The following PHKA2 variants were observed in gnomAD, a reference collection of about 807,000 sequenced individuals.
PHKA2 encodes phosphorylase b kinase regulatory subunit alpha, liver isoform.
PHKA2 carries 31 observed loss-of-function variants against 102.0 expected under a neutral mutation model. The ratio of observed to expected loss-of-function variants is 0.30; its 90% CI spans 0.23 to 0.41. PHKA2 has a LOEUF of 0.41. PHKA2 is among the 10% of genes least tolerant of loss of function. PHKA2 has a pLI of 1.00. For missense variants in PHKA2, 858 were observed against 1,023.1 expected, an observed-to-expected ratio of 0.84 and a Z score of 2.20; for synonymous variants, 455 against 416.2, an observed-to-expected ratio of 1.09 and a Z score of -1.13.
chrX:18,909,876 T>C (rs763034061), intron 20 of PHKA2, among the ~76,000 whole-genome samples: 65 of 112,326 alleles, frequency 5.8e-4, no homozygotes, highest in Non-Finnish European at 9.6e-4. Context: ...CTCGCTTCTC[T>C]ATTCCTGCTT....
chrX:18,917,404 G>A (rs993521043), intron 19 of PHKA2, among the ~76,000 whole-genome samples: 1 of 108,764 alleles, frequency 9.2e-6, no homozygotes, highest in African/African-American at 3.4e-5. Context: ...GATTACAGGT[G>A]CAGGCCACCA....
Position 18,937,604 on chromosome X carries a change from G to A in PHKA2, c.1041+1023C>T, listed in dbSNP as rs1005267035. On this transcript the variant is annotated intron_variant, in intron 10 of 32. Transcript: ENST00000379942. ...AATTGGGGAAGAAAAGAATGTCCTC[G>A]GCCTTTGAGAAGAGAGGAGGGCACA... Among the ~76,000 whole-genome samples the A allele has an allele frequency of 2.7e-5, 3 of 111,492 alleles. No individual in the cohort carries two copies. The Admixed American group carries it at 2.9e-4, about 11-fold the overall frequency.
chrX:18,900,307 C>G (rs967054543), intron 28 of PHKA2, among the ~76,000 whole-genome samples: 7 of 111,408 alleles, frequency 6.3e-5, no homozygotes, highest in African/African-American at 2.3e-4. Flanking sequence ...CCCAGGCGAT[C>G]TGAGGACAGG....
chrX:18,955,250 C>T (rs1490096370), intron 1 of PHKA2, among the ~76,000 whole-genome samples: 1 of 111,837 alleles, frequency 8.9e-6, no homozygotes, highest in Admixed American at 9.5e-5. Flanking sequence ...CCAAAGGCTA[C>T]ATAGTGTGTG....
intron 19 of PHKA2, among the ~76,000 whole-genome samples, chrX:18,912,255 T>C (rs1463517423): frequency 1.8e-5 from 2 of 112,124 alleles, no homozygotes. Flanking sequence ...CAGGGATACA[T>C]TCTGAGAAAT....
chrX:18,964,274 C>T, intron 1 of PHKA2, among the ~76,000 whole-genome samples: 1 of 111,430 alleles, frequency 9.0e-6, no homozygotes, highest in Non-Finnish European at 1.9e-5. Flanking sequence ...AACTGTTCTC[C>T]TGTGGGAGCT....
Position 18,894,271 on chromosome X carries a change from C to T in PHKA2, c.3470G>A (p.Ser1157Asn), listed in dbSNP as rs758018659. 2.9e-5 allele frequency: 35 copies of T among 1,211,733 alleles called. No individual in the cohort carries two copies. The highest frequency in any genetic ancestry group is 4.3e-5 in the Admixed American group (2 of 46,108). The change falls in exon 32 of 33, where the codon AGC (serine) becomes AAC (asparagine). Residue 1157 changes from serine (S) to asparagine (N), a missense_variant. By Grantham distance (46) the Ser-to-Asn change is conservative (BLOSUM62 1). This residue lies in a region of PHKA2 where 671 missense variants were observed against 745.2 expected (regional missense o/e 0.90). Transcript: ENST00000379942. ...LTLLSDTEMT[S>N]IGGIIHVDQI... ...GTCCACGTGGATGATGCCCCCGATG[C>T]TGGTCATCTCCGTGTCCGAGAGCAG...
At chrX:18,926,350 C>G in intron 14 of PHKA2, 103 bp downstream of exon 14, 1 of 700,216 alleles carries the variant, frequency 1.4e-6, no homozygotes, top group South Asian at 2.2e-5. Context: ...AGTTTTTGTC[C>G]AAGTCTTTAG....
At chrX:18,963,347 G>A (rs931880539) in intron 1 of PHKA2, among the ~76,000 whole-genome samples, 3 of 112,270 alleles carry the variant, frequency 2.7e-5, no homozygotes, top group Non-Finnish European at 5.6e-5. Context: ...TACAGGAAAA[G>A]CTTGCTTTCT....
At chrX:18,894,927 G>A in intron 31 of PHKA2, 1 of 454,979 alleles carries the variant, frequency 2.2e-6, no homozygotes, top group Admixed American at 3.6e-5. Context: ...CAGAAATGCT[G>A]AGTCTCAGGT....
At chrX:18,929,623 C>T (rs766523632) in intron 12 of PHKA2, among the ~76,000 whole-genome samples, 84 of 111,582 alleles carry the variant, frequency 7.5e-4, no homozygotes, top group Non-Finnish European at 1.5e-3. Flanking sequence ...CCACTGTATG[C>T]GCACTGTCAT....
chrX:18,961,041 C>G, intron 1 of PHKA2, among the ~76,000 whole-genome samples: 1 of 111,794 alleles, frequency 8.9e-6, no homozygotes, highest in East Asian at 2.8e-4. Context: ...AGCTGTAGAC[C>G]AGTTTGAAGA....
intron 1 of PHKA2, among the ~76,000 whole-genome samples, chrX:18,964,450 G>C (rs185757469): frequency 6.2e-5 from 7 of 112,548 alleles, no homozygotes; most frequent in Non-Finnish European, 7.5e-5. Context: ...TTCGAGGGAA[G>C]AAAGTATAGT....
intron 3 of PHKA2, 67 bp from the exon 4 acceptor site, chrX:18,951,339 T>C: frequency 1.9e-6 from 2 of 1,073,804 alleles, no homozygotes; most frequent in Non-Finnish European, 2.6e-6. Context: ...ATCACGGCCA[T>C]GGCCAGCCAC....
chrX:18,919,331 C>T (rs1348081351), intron 18 of PHKA2, among the ~76,000 whole-genome samples: 3 of 111,601 alleles, frequency 2.7e-5, no homozygotes, highest in African/African-American at 9.8e-5. Context: ...CATATCCAAC[C>T]AAACCTAGAT....
intron 1 of PHKA2, 87 bp from the exon 2 acceptor site, chrX:18,954,499 G>A (rs1378919982): frequency 6.3e-6 from 6 of 946,011 alleles, no homozygotes; most frequent in Non-Finnish European, 9.0e-6. Flanking sequence ...GGGTAGATGA[G>A]GACCGGGACC....
In PHKA2 at chrX:18,899,231, A is replaced by C; in HGVS notation, c.3058-5T>G. Reference sequence around the variant, plus strand: ...GGCCTGGCCCACAGAAAAGAACTACAAAACAAAAAGAATCCACTCAGTTGA... The same window carrying C: ...GGCCTGGCCCACAGAAAAGAACTACCAAACAAAAAGAATCCACTCAGTTGA... On this transcript the variant is annotated splice_polypyrimidine_tract_variant and splice_region_variant and intron_variant, in intron 28 of 32. Coordinates refer to ENST00000379942, the MANE Select transcript of PHKA2 (RefSeq NM_000292.3). 8.3e-7 allele frequency: 1 copy of C among 1,205,032 alleles called. No homozygotes were observed. Among genetic ancestry groups the C allele is most frequent in the Non-Finnish European group, 1.1e-6 (1 of 889,464 alleles).
In PHKA2 at chrX:18,958,654, G is replaced by A. The variant is rs113901994; in HGVS notation, c.79-4242C>T. Among the ~76,000 whole-genome samples, 525 of 108,861 alleles carry A rather than the reference G, an allele frequency of 4.8e-3. 6 individuals carry two copies. The highest frequency in any genetic ancestry group is 0.016 in the African/African-American group (491 of 29,865). The allele number at this position is 108,861 out of a possible 115,157, so 94.5% of individuals were successfully genotyped here. Reference sequence around the variant, plus strand: ...CAGTCATTCTTGTCTGGGAGGGAGGGCGGGCCACTGGATTTGCTCTTCTGT... The same window carrying A: ...CAGTCATTCTTGTCTGGGAGGGAGGACGGGCCACTGGATTTGCTCTTCTGT... On this transcript the variant is annotated intron_variant, in intron 1 of 32. Transcript: ENST00000379942.
chrX:18,924,583 C>G, intron 15 of PHKA2, 58 bp from the exon 16 acceptor site: 3 of 1,111,912 alleles, frequency 2.7e-6, no homozygotes, highest in Non-Finnish European at 3.7e-6. Flanking sequence ...GAAACACCAG[C>G]TGACAACTCA....
Sources: allele counts gnomAD v4.1 joint callset (sites outside exome capture counted in the v4.1 genomes callset), GRCh38; gene constraint gnomAD v4.1.1; regional missense constraint gnomAD v4.1.1; transcripts MANE v1.5; gene names NCBI Gene and HGNC (gene_info 2026-07-23, HGNC 2026-07-21).